FOS: variants seen among roughly 807,000 people sequenced by gnomAD.
The protein encoded by FOS is Fos proto-oncogene, AP-1 transcription factor subunit.
FOS carries 9 observed loss-of-function variants against 27.2 expected under a neutral mutation model. The observed-to-expected ratio is 0.33, with a 90% CI of 0.20 to 0.58. The LOEUF (loss-of-function observed/expected upper bound fraction) is 0.58, where lower values mean the gene tolerates loss of function less well. Ranked by LOEUF, FOS falls within the 20% of genes least tolerant of loss-of-function variation. The pLI, the probability that FOS is intolerant of heterozygous loss-of-function variation, is 0.87. For synonymous variants in FOS, 213 were observed against 205.1 expected (o/e 1.04, Z -0.33); for missense variants, 405 against 483.5 (o/e 0.84, Z 1.52).
chr14:75,280,244 C>T (rs1225327200), intron 2 of FOS, 116 bp downstream of exon 2: 2 of 1,407,204 alleles, frequency 1.4e-6, no homozygotes, highest in Non-Finnish European at 2.0e-6. Context: ...GCTGCACATC[C>T]GTAACTGGGA....
chr14:75,281,344 G>A lies in FOS; in HGVS notation c.1063G>A (p.Ala355Thr), dbSNP rs1357650854. The change falls in exon 4 of 4, where the codon GCA becomes ACA. Residue 355 changes from alanine to threonine, a missense_variant. Transcript: ENST00000303562. This position sits in a 1 kb window ranked among gnomAD's most constrained non-coding sequence, Gnocchi z 4.7. The part of the protein sequence containing the change: ...YPEADSFPSC[A>T]AAHRKGSSSN... Reference sequence around the variant, plus strand: ...CGAGGCTGACTCCTTCCCCAGCTGTGCAGCTGCCCACCGCAAGGGCAGCAG... The same window carrying A: ...CGAGGCTGACTCCTTCCCCAGCTGTACAGCTGCCCACCGCAAGGGCAGCAG... The A allele has an allele frequency of 6.2e-7, 1 of 1,610,330 alleles. No individual in the cohort carries two copies.
rs1355756064 is a variant in FOS, at chr14:75,279,627, C to G, written c.142-250C>G. 1 of 550,372 alleles carries G rather than the reference C, an allele frequency of 1.8e-6. No homozygotes were observed. Among genetic ancestry groups the G allele is most frequent in the East Asian group, 3.0e-5 (1 of 33,874 alleles). 34.1% of individuals were successfully genotyped at this position (550,372 alleles called of 1,614,324 possible). Reference sequence around the variant, plus strand: ...GACGTCAGGGATATTTATAACAAACCCCCTTTCAAGCAAGTGATGCTGAAG... The same window carrying G: ...GACGTCAGGGATATTTATAACAAACGCCCTTTCAAGCAAGTGATGCTGAAG... On this transcript the variant is annotated intron_variant, in intron 1 of 3. Coordinates refer to ENST00000303562, the MANE Select transcript of FOS (RefSeq NM_005252.4). The surrounding 1 kb of genome is among the most constrained non-coding windows in gnomAD (Gnocchi z 5.4).
rs1897203129 is a variant in FOS, at chr14:75,279,594, T to A, written c.142-283T>A. 2.0e-6 allele frequency: 1 copy of A among 500,314 alleles called. No individual in the cohort carries two copies. The highest frequency in any genetic ancestry group is 1.9e-5 in the African/African-American group (1 of 51,526). The allele number at this position is 500,314 out of a possible 1,614,324, so 31.0% of individuals were successfully genotyped here. On this transcript the variant is annotated intron_variant, in intron 1 of 3. Coordinates refer to ENST00000303562, the MANE Select transcript of FOS (RefSeq NM_005252.4). The surrounding 1 kb of genome is among the most constrained non-coding windows in gnomAD (Gnocchi z 5.4). The stretch of plus-strand genomic sequence containing the variant: ...TGGAGACTCCGGAGCGGCGCCTGCG[T>A]CAGCGCAGACGTCAGGGATATTTAT...
Position 75,279,499 on chromosome 14 carries a change from A to T in FOS, c.141+376A>T. 2.3e-6 allele frequency: 1 copy of T among 437,454 alleles called. No individual in the cohort carries two copies. The highest frequency in any genetic ancestry group is 2.5e-5 in the South Asian group (1 of 39,470). The allele number at this position is 437,454 out of a possible 1,614,324, so 27.1% of individuals were successfully genotyped here. Reference sequence around the variant, plus strand: ...CCCCCGGCAGCCTGGAGCACGGAGGAGGGATGAGGGAGGAGGGTGCAGCGG... The same window carrying T: ...CCCCCGGCAGCCTGGAGCACGGAGGTGGGATGAGGGAGGAGGGTGCAGCGG... On this transcript the variant is annotated intron_variant, in intron 1 of 3. Coordinates refer to ENST00000303562, the MANE Select transcript of FOS (RefSeq NM_005252.4). This position sits in a 1 kb window ranked among gnomAD's most constrained non-coding sequence, Gnocchi z 5.4.
In FOS at chr14:75,280,028, TCCCCGC is replaced by T; in HGVS notation, c.298_303del (p.Ala100_Pro101del). Reference sequence around the variant, plus strand: ...ACCAGAGCCCCTCACCCTTTCGGAGTCCCCGCCCCCTCCGCTGGGGCTTACTCCAGG... The same window carrying T: ...ACCAGAGCCCCTCACCCTTTCGGAGTCCCCTCCGCTGGGGCTTACTCCAGG... On this transcript the variant is annotated inframe_deletion, in exon 2 of 4. Transcript: ENST00000303562. 6.2e-7 allele frequency: 1 copy of T among 1,613,790 alleles called. No homozygotes were observed. Among genetic ancestry groups the T allele is most frequent in the Non-Finnish European group, 8.5e-7 (1 of 1,179,978 alleles).
At position 75,280,136 on chromosome 14, in the gene FOS, A is replaced by T. The variant is rs752219516; in HGVS notation, c.393+8A>T. On this transcript the variant is annotated splice_region_variant and intron_variant, in intron 2 of 3. Coordinates refer to ENST00000303562, the MANE Select transcript of FOS (RefSeq NM_005252.4). The stretch of plus-strand genomic sequence containing the variant: ...AGGGGCAAGGTGGAACAGGTGAGGA[A>T]CTCTAGCGTACTCTTCCTGGGAATG... 6.2e-7 allele frequency: 1 copy of T among 1,613,232 alleles called. No homozygotes were observed. The highest frequency in any genetic ancestry group is 2.2e-5 in the East Asian group (1 of 44,896).
Position 75,282,029 on chromosome 14 carries a change from A to G in FOS, c.*605A>G, listed in dbSNP as rs1464747418. The G allele has an allele frequency of 6.5e-6, 1 of 152,676 alleles. No homozygotes were observed. The highest frequency in any genetic ancestry group is 2.4e-5 in the African/African-American group (1 of 41,442). 9.5% of individuals were successfully genotyped at this position (152,676 alleles called of 1,614,324 possible). ...GTTGAGGTGGTCTGAATGTTCTGAC[A>G]TTAACAGTTTTCCATGAAAACGTTT... On this transcript the variant is annotated 3_prime_UTR_variant, in exon 4 of 4. Transcript: ENST00000303562.
Position 75,280,771 on chromosome 14 carries a change from C to T in FOS, c.502-12C>T. Reference sequence around the variant, plus strand: ...CTGTGTCTTATGCTTTCCTTTATCCCTCTGTATACAGGAGACAGACCAACT... The same window carrying T: ...CTGTGTCTTATGCTTTCCTTTATCCTTCTGTATACAGGAGACAGACCAACT... On this transcript the variant is annotated splice_polypyrimidine_tract_variant and intron_variant, in intron 3 of 3. Transcript: ENST00000303562. The T allele has an allele frequency of 6.2e-7, 1 of 1,612,764 alleles. No homozygotes were observed. The highest frequency in any genetic ancestry group is 8.5e-7 in the Non-Finnish European group (1 of 1,178,972).
rs1897230472 is a variant in FOS, at chr14:75,281,515, G to C, written c.*91G>C. 1.4e-6 allele frequency: 2 copies of C among 1,383,886 alleles called. No individual in the cohort carries two copies. Among genetic ancestry groups the C allele is most frequent in the Non-Finnish European group, 2.0e-6 (2 of 1,023,514 alleles). 85.7% of individuals were successfully genotyped at this position (1,383,886 alleles called of 1,614,324 possible). On this transcript the variant is annotated 3_prime_UTR_variant, in exon 4 of 4. Coordinates refer to ENST00000303562, the MANE Select transcript of FOS (RefSeq NM_005252.4). This position sits in a 1 kb window ranked among gnomAD's most constrained non-coding sequence, Gnocchi z 4.7. ...GAGGAGAAACACATCTTCCCTAGAGGGTTCCTGTAGACCTAGGGAGGACCT... is the reference window on the plus strand; with the variant it reads ...GAGGAGAAACACATCTTCCCTAGAGCGTTCCTGTAGACCTAGGGAGGACCT...
In FOS at chr14:75,279,144, C is replaced by T; in HGVS notation, c.141+21C>T. On this transcript the variant is annotated intron_variant, in intron 1 of 3. Coordinates refer to ENST00000303562, the MANE Select transcript of FOS (RefSeq NM_005252.4). This position sits in a 1 kb window ranked among gnomAD's most constrained non-coding sequence, Gnocchi z 5.4. ...CGCAGGTAAGGCTGGCTTCCCGTCGCCGCGGGGCCGGGGGCTTGGGGTCGC... is the reference window on the plus strand; with the variant it reads ...CGCAGGTAAGGCTGGCTTCCCGTCGTCGCGGGGCCGGGGGCTTGGGGTCGC... 1.9e-6 allele frequency: 3 copies of T among 1,611,308 alleles called. No homozygotes were observed. Among genetic ancestry groups the T allele is most frequent in the Non-Finnish European group, 1.7e-6 (2 of 1,179,790 alleles).
rs148327030 is a variant in FOS, at chr14:75,279,630, C to T, written c.142-247C>T. 1.1e-5 allele frequency: 6 copies of T among 555,710 alleles called. No homozygotes were observed. Among genetic ancestry groups the T allele is most frequent in the African/African-American group, 9.4e-5 (5 of 53,370 alleles). 34.4% of individuals were successfully genotyped at this position (555,710 alleles called of 1,614,324 possible). ...GTCAGGGATATTTATAACAAACCCC[C>T]TTTCAAGCAAGTGATGCTGAAGGGA... On this transcript the variant is annotated intron_variant, in intron 1 of 3. Coordinates refer to ENST00000303562, the MANE Select transcript of FOS (RefSeq NM_005252.4). The surrounding 1 kb of genome is among the most constrained non-coding windows in gnomAD (Gnocchi z 5.4).
At position 75,281,028 on chromosome 14, in the gene FOS, C is replaced by T; in HGVS notation, c.747C>T (p.Pro249=). 6.2e-7 allele frequency: 1 copy of T among 1,613,874 alleles called. No homozygotes were observed. Among genetic ancestry groups the T allele is most frequent in the Non-Finnish European group, 8.5e-7 (1 of 1,180,016 alleles). ...TGCCTCTCCTCAATGACCCTGAGCCCAAGCCCTCAGTGGAACCTGTCAAGA... is the reference window on the plus strand; with the variant it reads ...TGCCTCTCCTCAATGACCCTGAGCCTAAGCCCTCAGTGGAACCTGTCAAGA... ...FTLPLLNDPE[P]KPSVEPVKSI... is the part of the protein sequence containing the mutation. The change falls in exon 4 of 4, where the codon CCC becomes CCT. Residue 249 remains proline, a synonymous_variant. Coordinates refer to ENST00000303562, the MANE Select transcript of FOS (RefSeq NM_005252.4). This position sits in a 1 kb window ranked among gnomAD's most constrained non-coding sequence, Gnocchi z 4.7.
Position 75,279,634 on chromosome 14 carries a change from C to T in FOS, c.142-243C>T, listed in dbSNP as rs1897203735. 1.8e-6 allele frequency: 1 copy of T among 558,364 alleles called. No individual in the cohort carries two copies. Among genetic ancestry groups the T allele is most frequent in the East Asian group, 2.9e-5 (1 of 34,504 alleles). 34.6% of individuals were successfully genotyped at this position (558,364 alleles called of 1,614,324 possible). On this transcript the variant is annotated intron_variant, in intron 1 of 3. Transcript: ENST00000303562. The surrounding 1 kb of genome is among the most constrained non-coding windows in gnomAD (Gnocchi z 5.4). The stretch of plus-strand genomic sequence containing the variant: ...GGGATATTTATAACAAACCCCCTTT[C>T]AAGCAAGTGATGCTGAAGGGATAAC...
Position 75,279,906 on chromosome 14 carries a change from T to TCCCTG in FOS, c.171_172insCCCTG (p.Ala58ProfsTer57). The TCCCTG allele has an allele frequency of 6.2e-7, 1 of 1,612,680 alleles. No homozygotes were observed. Among genetic ancestry groups the TCCCTG allele is most frequent in the East Asian group, 2.2e-5 (1 of 44,872 alleles). On this transcript the variant is annotated frameshift_variant, in exon 2 of 4. Coordinates refer to ENST00000303562, the MANE Select transcript of FOS (RefSeq NM_005252.4). LOFTEE classifies it high-confidence loss of function. This position sits in a 1 kb window ranked among gnomAD's most constrained non-coding sequence, Gnocchi z 5.4. ...TCTGCACGGACCTGGCCGTCTCCAG[T>TCCCTG]GCCAACTTCATTCCCACGGTCACTG...
chr14:75,279,228 T>A lies in FOS; in HGVS notation c.141+105T>A. On this transcript the variant is annotated intron_variant, in intron 1 of 3. Transcript: ENST00000303562. The surrounding 1 kb of genome is among the most constrained non-coding windows in gnomAD (Gnocchi z 5.4). ...GATGAGTAGGGGGCTCCCTTGTGCC[T>A]GGAGGGAGGCTGCCGTGGCCGGAGC... 1 of 1,472,310 alleles carries A rather than the reference T, an allele frequency of 6.8e-7. No homozygotes were observed. The highest frequency in any genetic ancestry group is 9.2e-7 in the Non-Finnish European group (1 of 1,083,128). The allele number at this position is 1,472,310 out of a possible 1,614,324, so 91.2% of individuals were successfully genotyped here.
chr14:75,280,935 G>A lies in FOS; in HGVS notation c.654G>A (p.Val218=). 1 of 1,614,162 alleles carries A rather than the reference G, an allele frequency of 6.2e-7. No individual in the cohort carries two copies. The highest frequency in any genetic ancestry group is 1.1e-5 in the South Asian group (1 of 91,076). ...TGGGCTTCCCAGAAGAGATGTCTGTGGCTTCCCTTGATCTGACTGGGGGCC... is the reference window on the plus strand; with the variant it reads ...TGGGCTTCCCAGAAGAGATGTCTGTAGCTTCCCTTGATCTGACTGGGGGCC... ...DDLGFPEEMS[V]ASLDLTGGLP... Residue 218 remains valine (V), a synonymous_variant, in exon 4 of 4, where the codon GTG becomes GTA. Transcript: ENST00000303562.
chr14:75,281,429 G>A lies in FOS; in HGVS notation c.*5G>A. ...CCCACGCTGCTGGCCCTGTGAGGGG[G>A]CAGGGAAGGGGAGGCAGCCGGCACC... On this transcript the variant is annotated 3_prime_UTR_variant, in exon 4 of 4. Transcript: ENST00000303562. This position sits in a 1 kb window ranked among gnomAD's most constrained non-coding sequence, Gnocchi z 4.7. The A allele has an allele frequency of 6.2e-7, 1 of 1,608,518 alleles. No individual in the cohort carries two copies. Among genetic ancestry groups the A allele is most frequent in the Non-Finnish European group, 8.5e-7 (1 of 1,178,876 alleles).
In FOS at chr14:75,279,316, G is replaced by T. The variant is rs1897199308; in HGVS notation, c.141+193G>T. 1 of 724,310 alleles carries T rather than the reference G, an allele frequency of 1.4e-6. No individual in the cohort carries two copies. Among genetic ancestry groups the T allele is most frequent in the South Asian group, 1.8e-5 (1 of 56,674 alleles). The allele number at this position is 724,310 out of a possible 1,614,324, so 44.9% of individuals were successfully genotyped here. ...ACGCACGCTTGCCATAGTAAGAATT[G>T]GTTCCCCCTTCGGGAGGCAGGTTCG... On this transcript the variant is annotated intron_variant, in intron 1 of 3. Transcript: ENST00000303562. The surrounding 1 kb of genome is among the most constrained non-coding windows in gnomAD (Gnocchi z 5.4).
rs1253018666 is a variant in FOS, at chr14:75,279,048, G to T, written c.66G>T (p.Pro22=). ...CCTCCCGCTGCAGCAGCGCGTCCCC[G>T]GCCGGGGATAGCCTCTCTTACTACC... ...ASSSRCSSAS[P]AGDSLSYYHS... Residue 22 remains proline (P), a synonymous_variant, in exon 1 of 4, where the codon CCG becomes CCT. Transcript: ENST00000303562. This position sits in a 1 kb window ranked among gnomAD's most constrained non-coding sequence, Gnocchi z 5.4. 2 of 1,613,760 alleles carry T rather than the reference G, an allele frequency of 1.2e-6. No individual in the cohort carries two copies. Among genetic ancestry groups the T allele is most frequent in the South Asian group, 1.1e-5 (1 of 91,082 alleles).
Sources: gnomAD v4.1 joint callset for allele counts on GRCh38, gnomAD v4.1.1 for gene constraint, Gnocchi (gnomAD v3.1) non-coding constraint, MANE v1.5 for transcripts, NCBI Gene and HGNC (gene_info 2026-07-23, HGNC 2026-07-21) for gene names.